The following SGMS1 variants were observed in gnomAD, a reference collection of about 807,000 sequenced individuals.
The protein encoded by SGMS1 is phosphatidylcholine:ceramide cholinephosphotransferase 1.
SGMS1 carries 13 observed loss-of-function variants against 46.2 expected under a neutral mutation model. The ratio of observed to expected loss-of-function variants is 0.28; its 90% CI spans 0.18 to 0.45. The LOEUF (loss-of-function observed/expected upper bound fraction) is 0.45, where lower values mean the gene tolerates loss of function less well. SGMS1 is among the 20% of genes least tolerant of loss of function. SGMS1 has a pLI of 1.00. For synonymous variants in SGMS1, 203 were observed against 187.8 expected (o/e 1.08, Z -0.66); for missense variants, 324 against 519.9 (o/e 0.62, Z 3.66).
At chr10:50,351,960 C>T (rs894560465) in intron 6 of SGMS1, among the ~76,000 whole-genome samples, 2 of 152,206 alleles carry the variant, frequency 1.3e-5, no homozygotes, top group Admixed American at 1.3e-4. Flanking sequence ...CACAGTGACA[C>T]TTCATAAATA....
In SGMS1 at chr10:50,307,436, A is replaced by G. The variant is rs1429857084; in HGVS notation, c.1063-115T>C. ...ATACCTGCCCTGCGTGTCCACCCAC[A>G]TATCCCAGCTTCTCTCTCTCATCAC... On this transcript the variant is annotated intron_variant, in intron 10 of 10. Coordinates refer to ENST00000361781, the MANE Select transcript of SGMS1 (RefSeq NM_147156.4). The surrounding 1 kb of genome is among the most constrained non-coding windows in gnomAD (Gnocchi z 4.2). 5.1e-6 allele frequency: 4 copies of G among 777,410 alleles called. No individual in the cohort carries two copies. Among genetic ancestry groups the G allele is most frequent in the Non-Finnish European group, 8.2e-6 (4 of 490,182 alleles). The allele number at this position is 777,410 out of a possible 1,614,324, so 48.2% of individuals were successfully genotyped here.
intron 5 of SGMS1, among the ~76,000 whole-genome samples, chr10:50,457,816 G>A (rs1039003755): frequency 6.6e-6 from 1 of 152,144 alleles, no homozygotes; most frequent in African/African-American, 2.4e-5. Flanking sequence ...CTTAAAAGCA[G>A]AAAGAAATTT....
chr10:50,592,039 CG>C (rs1407267375), intron 1 of SGMS1, among the ~76,000 whole-genome samples: 1 of 152,170 alleles, frequency 6.6e-6, no homozygotes, highest in African/African-American at 2.4e-5. Flanking sequence ...GAACCTCTTC[CG>C]GCTGCTTCCT....
chr10:50,328,648 T>C (rs2133318424), intron 7 of SGMS1, among the ~76,000 whole-genome samples: 1 of 152,340 alleles, frequency 6.6e-6, no homozygotes, highest in South Asian at 2.1e-4. Flanking sequence ...TTGGTCTCTT[T>C]ACCTAGATTT....
At position 50,355,431 on chromosome 10, in the gene SGMS1, C is replaced by T. The variant is rs184139681; in HGVS notation, c.-231-11086G>A. Among the ~76,000 whole-genome samples, 610 of 152,292 alleles carry T rather than the reference C, an allele frequency of 4.0e-3. 3 individuals are homozygous for T. The highest frequency in any genetic ancestry group is 6.6e-3 in the Non-Finnish European group (446 of 68,020). On this transcript the variant is annotated intron_variant, in intron 6 of 10. Coordinates refer to ENST00000361781, the MANE Select transcript of SGMS1 (RefSeq NM_147156.4). Reference sequence around the variant, plus strand: ...CTGGGATTGCAGGCGCGCGCCACCACGCCTGACTGGTTTTCGTGTTTTTGG... The same window carrying T: ...CTGGGATTGCAGGCGCGCGCCACCATGCCTGACTGGTTTTCGTGTTTTTGG...
In SGMS1 at chr10:50,511,146, C is replaced by T. The variant is rs147361804; in HGVS notation, c.-498+8685G>A. Among the ~76,000 whole-genome samples the T allele has an allele frequency of 4.6e-3, 702 of 152,020 alleles. 7 individuals are homozygous for T. Among genetic ancestry groups the T allele is most frequent in the South Asian group, 0.032 (156 of 4,806 alleles). Reference sequence around the variant, plus strand: ...TGTTCACTCTTTGTTTATTATATGCCAGACCCAGTAGAGGCAGAGTGGATA... The same window carrying T: ...TGTTCACTCTTTGTTTATTATATGCTAGACCCAGTAGAGGCAGAGTGGATA... On this transcript the variant is annotated intron_variant, in intron 3 of 10. Transcript: ENST00000361781.
chr10:50,336,849 A>C (rs570680153), intron 7 of SGMS1, among the ~76,000 whole-genome samples: 2 of 152,354 alleles, frequency 1.3e-5, no homozygotes, highest in South Asian at 2.1e-4. Context: ...TGATTGTATC[A>C]AATGATACAA....
At chr10:50,558,032 C>A (rs1838203179) in intron 2 of SGMS1, among the ~76,000 whole-genome samples, 1 of 152,174 alleles carries the variant, frequency 6.6e-6, no homozygotes, top group East Asian at 1.9e-4. Context: ...CCTTAAGAGA[C>A]AGTTATTATA....
intron 2 of SGMS1, among the ~76,000 whole-genome samples, chr10:50,586,179 T>G (rs765468884): frequency 5.9e-5 from 9 of 152,252 alleles, no homozygotes. Flanking sequence ...GAACACTTTC[T>G]TATTATATAA....
intron 2 of SGMS1, among the ~76,000 whole-genome samples, chr10:50,584,435 G>A (rs1313122388): frequency 6.8e-6 from 1 of 148,088 alleles, no homozygotes; most frequent in Non-Finnish European, 1.5e-5. Context: ...GGAGGCAGAG[G>A]TTGTAGTAAG....
At chr10:50,577,532 G>A (rs1176755069) in intron 2 of SGMS1, among the ~76,000 whole-genome samples, 5 of 152,022 alleles carry the variant, frequency 3.3e-5, no homozygotes, top group Non-Finnish European at 4.4e-5. Context: ...CAAACAACCA[G>A]GCATCTCTGC....
intron 1 of SGMS1, among the ~76,000 whole-genome samples, chr10:50,594,349 G>A (rs1000370374): frequency 6.6e-6 from 1 of 152,124 alleles, no homozygotes; most frequent in African/African-American, 2.4e-5. Flanking sequence ...TTTCTTCCTG[G>A]TAGATTCACA....
chr10:50,569,403 C>A (rs1465367296), intron 2 of SGMS1, among the ~76,000 whole-genome samples: 1 of 151,282 alleles, frequency 6.6e-6, no homozygotes, highest in African/African-American at 2.4e-5. Flanking sequence ...AGAAAGAAGA[C>A]TGGTTTTAGA....
intron 2 of SGMS1, among the ~76,000 whole-genome samples, chr10:50,564,495 C>T (rs1033588336): frequency 3.3e-5 from 5 of 152,210 alleles, no homozygotes; most frequent in Non-Finnish European, 7.3e-5. Context: ...AGTAAGACCA[C>T]AAGCACGTGA....
At chr10:50,484,799 T>A (rs186443488) in intron 3 of SGMS1, among the ~76,000 whole-genome samples, 1 of 152,120 alleles carries the variant, frequency 6.6e-6, no homozygotes. Context: ...AAAAACCACA[T>A]GATTATATCA....
At chr10:50,516,008 G>A (rs1295969168) in intron 3 of SGMS1, among the ~76,000 whole-genome samples, 1 of 152,068 alleles carries the variant, frequency 6.6e-6, no homozygotes. Context: ...TATCCTACCT[G>A]TAATCTACAA....
intron 3 of SGMS1, among the ~76,000 whole-genome samples, chr10:50,502,279 C>T (rs1038377613): frequency 9.3e-5 from 13 of 140,104 alleles, no homozygotes; most frequent in Non-Finnish European, 1.7e-4. Flanking sequence ...CCTCTCCCCA[C>T]ACAAAGATGA....
intron 6 of SGMS1, among the ~76,000 whole-genome samples, chr10:50,389,016 A>G (rs1848726232): frequency 6.6e-6 from 1 of 152,212 alleles, no homozygotes; most frequent in Admixed American, 6.5e-5. Flanking sequence ...CACAAAAACA[A>G]AAATTGAGTA....
chr10:50,597,377 G>A (rs1411561075), intron 1 of SGMS1, among the ~76,000 whole-genome samples: 1 of 152,194 alleles, frequency 6.6e-6, no homozygotes, highest in Non-Finnish European at 1.5e-5. Flanking sequence ...CTGCTGCTGG[G>A]AATGCAATGG....
Sources: allele counts gnomAD v4.1 joint callset (sites outside exome capture counted in the v4.1 genomes callset), GRCh38; gene constraint gnomAD v4.1.1; non-coding constraint Gnocchi (gnomAD v3.1); transcripts MANE v1.5; gene names NCBI Gene and HGNC (gene_info 2026-07-23, HGNC 2026-07-21).